ADGRB1: variants seen among roughly 807,000 people sequenced by gnomAD.
ADGRB1 encodes brain-specific angiogenesis inhibitor 1.
Under a neutral mutation model 175.7 loss-of-function variants are expected in ADGRB1, and 36 were observed. That is an observed-to-expected ratio of 0.20 (90% confidence interval 0.16 to 0.27). The LOEUF (loss-of-function observed/expected upper bound fraction) is 0.27, where lower values mean the gene tolerates loss of function less well. Among genes scored for constraint, ADGRB1 ranks in the 10% least tolerant of loss-of-function variants. ADGRB1 has a pLI of 1.00. For synonymous variants in ADGRB1, 1,054 were observed against 979.4 expected (o/e 1.08, Z -1.42); for missense variants, 1,731 against 2,255.3 (o/e 0.77, Z 4.71).
intron 18 of ADGRB1, among the ~76,000 whole-genome samples, chr8:142,513,657 TG>T (rs1843227899): frequency 6.6e-6 from 1 of 152,288 alleles, no homozygotes; most frequent in South Asian, 2.1e-4. Flanking sequence ...GGGTGGGCTC[TG>T]GGTGCATGGC....
At chr8:142,488,184 C>T (rs934138044) in intron 13 of ADGRB1, among the ~76,000 whole-genome samples, 180 bp from the exon 14 acceptor site, 2 of 152,170 alleles carry the variant, frequency 1.3e-5, no homozygotes, top group Non-Finnish European at 2.9e-5. Context: ...TGGACCTCAC[C>T]GAGGTTCTGG....
chr8:142,483,225 C>T (rs1299309295), intron 11 of ADGRB1, among the ~76,000 whole-genome samples: 1 of 145,472 alleles, frequency 6.9e-6, no homozygotes, highest in Non-Finnish European at 1.5e-5. Context: ...TGACCCTGGT[C>T]GCACTGAGCC....
chr8:142,472,624 C>G (rs1840733591), intron 2 of ADGRB1, among the ~76,000 whole-genome samples: 1 of 152,172 alleles, frequency 6.6e-6, no homozygotes, highest in Admixed American at 6.5e-5. Context: ...AGGGGACACA[C>G]ATCAAAAACA....
chr8:142,541,885 C>G (rs1208443577), intron 27 of ADGRB1, 56 bp from the exon 28 acceptor site: 2 of 1,480,962 alleles, frequency 1.4e-6, no homozygotes, highest in Non-Finnish European at 1.8e-6. Context: ...GGGGACTGTC[C>G]TACGCCATCC....
At chr8:142,454,233 A>G (rs1839527367) in intron 1 of ADGRB1, among the ~76,000 whole-genome samples, 1 of 152,130 alleles carries the variant, frequency 6.6e-6, no homozygotes, top group South Asian at 2.1e-4. Context: ...GGCCACATTC[A>G]TCACAGTGGG....
chr8:142,542,126 C>T lies in ADGRB1; in HGVS notation c.3892C>T (p.Pro1298Ser). The part of the protein sequence containing the change: ...LHGSPRYPGG[P>S]LPDFPNHSLT... ...CGGCTCACCCCGCTATCCCGGCGGG[C>T]CCCTGCCCGACTTCCCCAACCACTC... The change falls in exon 28 of 31, where the codon CCC becomes TCC. Residue 1298 changes from proline (P) to serine (S), a missense_variant. By Grantham distance (74) the Pro-to-Ser change is moderately conservative. Around this residue, in one of 8 missense-constraint regions of ADGRB1, gnomAD observed 394 missense variants for 410.2 expected, o/e 0.96. Coordinates refer to ENST00000517894, the MANE Select transcript of ADGRB1 (RefSeq NM_001702.3). This position sits in a 1 kb window ranked among gnomAD's most constrained non-coding sequence, Gnocchi z 6.3. 6.2e-7 allele frequency: 1 copy of T among 1,613,534 alleles called. No individual in the cohort carries two copies. The highest frequency in any genetic ancestry group is 2.2e-5 in the East Asian group (1 of 44,878).
chr8:142,520,952 A>T, intron 20 of ADGRB1, 27 bp downstream of exon 20: 1 of 1,585,178 alleles, frequency 6.3e-7, no homozygotes, highest in Admixed American at 1.7e-5. Flanking sequence ...CCTGCCATGC[A>T]CTTCCCAACA....
At position 142,511,016 on chromosome 8, in the gene ADGRB1, C is replaced by A; in HGVS notation, c.2760C>A (p.Arg920=). 1 of 1,319,522 alleles carries A rather than the reference C, an allele frequency of 7.6e-7. No homozygotes were observed. The highest frequency in any genetic ancestry group is 9.8e-7 in the Non-Finnish European group (1 of 1,017,640). The allele number at this position is 1,319,522 out of a possible 1,614,324, so 81.7% of individuals were successfully genotyped here. A position where few individuals can be genotyped will look rare whatever the true frequency, so the allele number is the denominator to read the frequency against. ...TGCCCCTCGACGCCCTCCGGACGCG[C>A]TGCCTCTGTGACCGGCTCTCCACCT... The part of the protein sequence containing the change: ...RTVPLDALRT[R]CLCDRLSTFA... The change falls in exon 18 of 31, where the codon CGC becomes CGA. Residue 920 remains arginine, a synonymous_variant. Coordinates refer to ENST00000517894, the MANE Select transcript of ADGRB1 (RefSeq NM_001702.3). The surrounding 1 kb of genome is among the most constrained non-coding windows in gnomAD (Gnocchi z 4.5).
intron 25 of ADGRB1, among the ~76,000 whole-genome samples, chr8:142,533,716 G>T (rs1346448340): frequency 6.6e-6 from 1 of 152,178 alleles, no homozygotes; most frequent in Non-Finnish European, 1.5e-5. Flanking sequence ...GCACTGGCTT[G>T]GGGGCGTGGG....
chr8:142,482,035 A>ACCCTGG (rs1841367900), intron 11 of ADGRB1, among the ~76,000 whole-genome samples: 1 of 50,534 alleles, frequency 2.0e-5, no homozygotes. Flanking sequence ...CTGAGCCCTG[A>ACCCTGG]TCATAGGCTG....
Position 142,520,858 on chromosome 8 carries a change from A to G in ADGRB1, c.2957A>G (p.Asn986Ser), listed in dbSNP as rs1843796610. 1.2e-6 allele frequency: 2 copies of G among 1,613,534 alleles called. No homozygotes were observed. Among genetic ancestry groups the G allele is most frequent in the African/African-American group, 1.3e-5 (1 of 74,862 alleles). Residue 986 changes from asparagine (N) to serine (S), a missense_variant, in exon 20 of 31, where the codon AAC becomes AGC. Transcript: ENST00000517894. ...IRSERSVILI[N>S]FCLSIISSNA... The stretch of plus-strand genomic sequence containing the variant: ...TCAGAGCGTTCTGTCATCCTCATCA[A>G]CTTCTGCCTGTCCATCATCTCCTCC...
At chr8:142,483,715 GACCCTGGTCACATGCTGAA>G (rs1841510610) in intron 11 of ADGRB1, among the ~76,000 whole-genome samples, 1 of 76,586 alleles carries the variant, frequency 1.3e-5, no homozygotes, top group African/African-American at 1.2e-4. Flanking sequence ...GCTGAACCCT[GACCCTGGTCACATGCTGAA>G]CCCTGACCCT....
In ADGRB1 at chr8:142,455,889, T is replaced by C. The variant is rs1587237429; in HGVS notation, c.-220+5785T>C. ...GGGCCAGCACCTCTCTGAGGCTAAGTTGGCATCTCTGTGACAGGAGGGTGG... is the reference window on the plus strand; with the variant it reads ...GGGCCAGCACCTCTCTGAGGCTAAGCTGGCATCTCTGTGACAGGAGGGTGG... On this transcript the variant is annotated intron_variant, in intron 1 of 30. Transcript: ENST00000517894. This position sits in a 1 kb window ranked among gnomAD's most constrained non-coding sequence, Gnocchi z 4.9. Among the ~76,000 whole-genome samples, 1 of 152,302 alleles carries C rather than the reference T, an allele frequency of 6.6e-6. No homozygotes were observed. The highest frequency in any genetic ancestry group is 2.1e-4 in the South Asian group (1 of 4,824).
At chr8:142,533,702 G>A (rs964052014) in intron 25 of ADGRB1, among the ~76,000 whole-genome samples, 2 of 152,178 alleles carry the variant, frequency 1.3e-5, no homozygotes, top group African/African-American at 2.4e-5. Flanking sequence ...GATGCCCTGC[G>A]CCCGCACTGG....
chr8:142,467,600 T>A (rs1840352536), intron 2 of ADGRB1, among the ~76,000 whole-genome samples: 1 of 152,154 alleles, frequency 6.6e-6, no homozygotes, highest in African/African-American at 2.4e-5. Flanking sequence ...GCTGGCAGTG[T>A]CATGTGAACA....
At chr8:142,459,880 C>T (rs1003446084) in intron 1 of ADGRB1, among the ~76,000 whole-genome samples, 35 of 152,220 alleles carry the variant, frequency 2.3e-4, no homozygotes, top group Non-Finnish European at 2.5e-4. Context: ...TACACAGGCC[C>T]GCCCCTGCCC....
At chr8:142,539,631 C>T in intron 27 of ADGRB1, 1 of 610,662 alleles carries the variant, frequency 1.6e-6, no homozygotes, top group South Asian at 2.0e-5. Flanking sequence ...GAAGGAGGGT[C>T]CATGGGGCAT....
rs1227009950 is a variant in ADGRB1 at position 142,492,293 on chromosome 8, A to G, written c.2675+1478A>G. Among the ~76,000 whole-genome samples the G allele has an allele frequency of 2.0e-5, 3 of 151,468 alleles. No individual in the cohort carries two copies. Among genetic ancestry groups the G allele is most frequent in the African/African-American group, 7.3e-5 (3 of 41,132 alleles). ...CACCACCCTTCCTCCGGCGGTCACTACCCTCTGATGGGCACTATTCTGGCA... is the reference window on the plus strand; with the variant it reads ...CACCACCCTTCCTCCGGCGGTCACTGCCCTCTGATGGGCACTATTCTGGCA... On this transcript the variant is annotated intron_variant, in intron 17 of 30. Coordinates refer to ENST00000517894, the MANE Select transcript of ADGRB1 (RefSeq NM_001702.3). The surrounding 1 kb of genome is among the most constrained non-coding windows in gnomAD (Gnocchi z 4.4).
Position 142,461,816 on chromosome 8 carries a change from G to C in ADGRB1, c.-219-2164G>C, listed in dbSNP as rs144995903. Among the ~76,000 whole-genome samples the C allele has an allele frequency of 4.0e-3, 606 of 152,268 alleles. 5 individuals carry two copies. Among genetic ancestry groups the C allele is most frequent in the African/African-American group, 0.014 (582 of 41,554 alleles). On this transcript the variant is annotated intron_variant, in intron 1 of 30. Coordinates refer to ENST00000517894, the MANE Select transcript of ADGRB1 (RefSeq NM_001702.3). ...TCCTTTGCACTTGGAGGGGCATATG[G>C]GGCAGTGAGGCTGGCTGACCTGTGG...
Sources: allele counts gnomAD v4.1 joint callset (sites outside exome capture counted in the v4.1 genomes callset), GRCh38; gene constraint gnomAD v4.1.1; regional missense constraint gnomAD v4.1.1; non-coding constraint Gnocchi (gnomAD v3.1); transcripts MANE v1.5; gene names NCBI Gene and HGNC (gene_info 2026-07-23, HGNC 2026-07-21).